Variants in PLPPR1 observed in about 807,000 individuals in gnomAD.
PLPPR1 encodes the protein phospholipid phosphatase-related protein type 1.
Under a neutral mutation model 33.1 loss-of-function variants are expected in PLPPR1, and 10 were observed. That is an observed-to-expected ratio of 0.30 (90% CI 0.19 to 0.51). The LOEUF (loss-of-function observed/expected upper bound fraction) is 0.51. Among genes scored for constraint, PLPPR1 ranks in the 20% least tolerant of loss-of-function variants. The pLI, the probability that PLPPR1 is intolerant of heterozygous loss-of-function variation, is 0.97. For missense variants in PLPPR1, 304 were observed against 408.1 expected (o/e 0.74, Z 2.20); for synonymous variants, 151 against 151.0 (o/e 1.00, Z 0.00).
chr9:101,081,193 G>A (rs773608642), intron 1 of PLPPR1, among the ~76,000 whole-genome samples: 2 of 152,092 alleles, frequency 1.3e-5, no homozygotes, highest in Non-Finnish European at 2.9e-5. Context: ...GGGGGTGGGT[G>A]CAGAACTAAG....
chr9:101,223,165 AAAAAAAAG>A (rs1564181760), intron 2 of PLPPR1, among the ~76,000 whole-genome samples: 1 of 107,924 alleles, frequency 9.3e-6, no homozygotes, highest in Non-Finnish European at 1.8e-5. Context: ...AAAAAAAAAA[AAAAAAAAG>A]AAAAGAAAAA....
intron 3 of PLPPR1, among the ~76,000 whole-genome samples, chr9:101,279,781 C>T (rs1483173223): frequency 1.3e-5 from 2 of 151,988 alleles, no homozygotes; most frequent in Admixed American, 6.5e-5. Flanking sequence ...AGAAACACAA[C>T]ATACCAAAGT....
chr9:101,157,192 T>C (rs1476016628), intron 1 of PLPPR1, among the ~76,000 whole-genome samples: 2 of 152,202 alleles, frequency 1.3e-5, no homozygotes, highest in African/African-American at 2.4e-5. Flanking sequence ...GATTTTTCTA[T>C]GTTAATGAAG....
In PLPPR1 at chr9:101,238,063, T is replaced by G. The variant is rs543430481; in HGVS notation, c.64-31817T>G. On this transcript the variant is annotated intron_variant, in intron 2 of 7. Coordinates refer to ENST00000374874, the MANE Select transcript of PLPPR1 (RefSeq NM_207299.2). Reference sequence around the variant, plus strand: ...TGTGTATATATATATAGCCTATATATACGTGTGTGTGTATATATATACATA... The same window carrying G: ...TGTGTATATATATATAGCCTATATAGACGTGTGTGTGTATATATATACATA... Among the ~76,000 whole-genome samples the G allele has an allele frequency of 3.6e-4, 49 of 136,920 alleles. No individual in the cohort carries two copies. The East Asian group carries it at 9.3e-3, about 26-fold the overall frequency. The allele number at this position is 136,920 out of a possible 152,430, so 89.8% of individuals were successfully genotyped here.
chr9:101,294,950 G>T (rs551957525), intron 4 of PLPPR1, among the ~76,000 whole-genome samples: 1 of 152,282 alleles, frequency 6.6e-6, no homozygotes, highest in East Asian at 1.9e-4. Flanking sequence ...GTTCTGGCCA[G>T]GGCAATTAGG....
rs546906894 is a variant in PLPPR1 at position 101,266,396 on chromosome 9, C to CAA, written c.64-3474_64-3473dup. Among the ~76,000 whole-genome samples, 101 of 113,970 alleles carry CAA rather than the reference C, an allele frequency of 8.9e-4. 2 individuals carry two copies. Among genetic ancestry groups the CAA allele is most frequent in the African/African-American group, 2.4e-3 (70 of 29,622 alleles). The allele number at this position is 113,970 out of a possible 152,430, so 74.8% of individuals were successfully genotyped here. ...GGAAGACAGAATGAGACCCTGTCTC[C>CAA]AAAAAAAAAAAGAAAGAAAGAAAGA... is the stretch of plus-strand genomic sequence containing the variant. On this transcript the variant is annotated intron_variant, in intron 2 of 7. Coordinates refer to ENST00000374874, the MANE Select transcript of PLPPR1 (RefSeq NM_207299.2).
chr9:101,285,086 T>C (rs1828369413), intron 3 of PLPPR1, among the ~76,000 whole-genome samples: 1 of 152,164 alleles, frequency 6.6e-6, no homozygotes, highest in Non-Finnish European at 1.5e-5. Context: ...AGGAGGGATC[T>C]TGTGAGCCTG....
At position 101,290,977 on chromosome 9, in the gene PLPPR1, C is replaced by T. The variant is rs978007479; in HGVS notation, c.385+4741C>T. 3.9e-5 allele frequency among the ~76,000 whole-genome samples: 6 copies of T among 152,152 alleles called. No homozygotes were observed. The East Asian group carries it at 5.8e-4, about 15-fold the overall frequency. Reference sequence around the variant, plus strand: ...GCACCAAGCGCGAGCCAAAGTAGGGCGAGGCATTGCTTCACTCGGGAAGTG... The same window carrying T: ...GCACCAAGCGCGAGCCAAAGTAGGGTGAGGCATTGCTTCACTCGGGAAGTG... On this transcript the variant is annotated intron_variant, in intron 4 of 7. Transcript: ENST00000374874.
chr9:101,257,826 A>AT (rs146118756), intron 2 of PLPPR1, among the ~76,000 whole-genome samples: 21,044 of 151,036 alleles, frequency 0.14, 2,883 homozygotes, highest in African/African-American at 0.35. Flanking sequence ...CTAAAATCCT[A>AT]TTTTTTTTTA....
intron 3 of PLPPR1, among the ~76,000 whole-genome samples, chr9:101,271,961 G>T (rs1032758888): frequency 3.3e-5 from 5 of 152,076 alleles, no homozygotes; most frequent in African/African-American, 4.8e-5. Flanking sequence ...TCAGAAAATA[G>T]AATTAATAAA....
chr9:101,129,868 A>G (rs569670245), intron 1 of PLPPR1, among the ~76,000 whole-genome samples: 1 of 152,310 alleles, frequency 6.6e-6, no homozygotes, highest in African/African-American at 2.4e-5. Flanking sequence ...AAAAATTCAT[A>G]CAATAACATG....
intron 1 of PLPPR1, among the ~76,000 whole-genome samples, chr9:101,108,446 G>T (rs183352022): frequency 6.6e-6 from 1 of 152,354 alleles, no homozygotes; most frequent in African/African-American, 2.4e-5. Flanking sequence ...GATGCATAAA[G>T]AAATGATTAT....
chr9:101,078,785 C>G (rs1002829388), intron 1 of PLPPR1, among the ~76,000 whole-genome samples: 2 of 152,098 alleles, frequency 1.3e-5, no homozygotes, highest in Non-Finnish European at 2.9e-5. Context: ...TTCATTCCCT[C>G]CTGTCTCAAT....
chr9:101,139,490 A>C (rs1439097805), intron 1 of PLPPR1, among the ~76,000 whole-genome samples: 1 of 152,210 alleles, frequency 6.6e-6, no homozygotes, highest in East Asian at 1.9e-4. Flanking sequence ...AAAAGCTATC[A>C]TGATTTTTAG....
chr9:101,035,104 G>C (rs897555012), intron 1 of PLPPR1, among the ~76,000 whole-genome samples: 2 of 152,128 alleles, frequency 1.3e-5, no homozygotes, highest in Non-Finnish European at 2.9e-5. Context: ...TTGTTTTAGG[G>C]AAACGACTAC....
Position 101,281,911 on chromosome 9 carries a change from G to A in PLPPR1, c.253-4193G>A, listed in dbSNP as rs1316101732. Among the ~76,000 whole-genome samples the A allele has an allele frequency of 2.6e-5, 4 of 152,164 alleles. No homozygotes were observed. In the East Asian group the frequency reaches 5.8e-4, roughly 22 times the overall value. On this transcript the variant is annotated intron_variant, in intron 3 of 7. Coordinates refer to ENST00000374874, the MANE Select transcript of PLPPR1 (RefSeq NM_207299.2). ...GAAATAGAAATTCCAAACAAACTAG[G>A]TGATTGAATCAATAATATACAGTCC...
intron 1 of PLPPR1, among the ~76,000 whole-genome samples, chr9:101,171,938 G>A (rs530175253): frequency 6.6e-6 from 1 of 151,852 alleles, no homozygotes; most frequent in South Asian, 2.1e-4. Flanking sequence ...GGCTTGCTCT[G>A]AGTGTTGGGG....
At chr9:101,059,074 T>TAACCAGCAAGGGAG (rs1377534537) in intron 1 of PLPPR1, among the ~76,000 whole-genome samples, 1 of 152,148 alleles carries the variant, frequency 6.6e-6, no homozygotes, top group Non-Finnish European at 1.5e-5. Flanking sequence ...GGTCTGTTTT[T>TAACCAGCAAGGGAG]TACCAGCAAG....
At chr9:101,215,599 T>C (rs980894806) in intron 2 of PLPPR1, among the ~76,000 whole-genome samples, 2 of 152,206 alleles carry the variant, frequency 1.3e-5, no homozygotes, top group Non-Finnish European at 2.9e-5. Flanking sequence ...ACTGTACTTA[T>C]GTACTCATTT....
Sources: gnomAD v4.1 joint callset for allele counts (sites outside exome capture counted in the v4.1 genomes callset) on GRCh38, gnomAD v4.1.1 for gene constraint, MANE v1.5 for transcripts, NCBI Gene and HGNC (gene_info 2026-07-23, HGNC 2026-07-21) for gene names.